CTNNBIP1: variants seen among roughly 807,000 people sequenced by gnomAD.
The protein encoded by CTNNBIP1 is catenin beta interacting protein 1.
Under a neutral mutation model 11.8 loss-of-function variants are expected in CTNNBIP1, and 7 were observed. The ratio of observed to expected loss-of-function variants is 0.60; its 90% CI spans 0.34 to 1.12. The LOEUF is 1.12. CTNNBIP1 is among the 50% of genes most tolerant of loss of function. CTNNBIP1 has a pLI of 0.03. For synonymous variants in CTNNBIP1, 58 were observed against 43.9 expected, an observed-to-expected ratio of 1.32 and a Z score of -1.26; for missense variants, 101 against 113.4, an observed-to-expected ratio of 0.89 and a Z score of 0.50.
In CTNNBIP1 at chr1:9,883,106, C is replaced by T. The variant is rs1444160248; in HGVS notation, c.-110+599G>A. On this transcript the variant is annotated intron_variant, in intron 2 of 5. Coordinates refer to ENST00000377263, the MANE Select transcript of CTNNBIP1 (RefSeq NM_020248.3). This position sits in a 1 kb window ranked among gnomAD's most constrained non-coding sequence, Gnocchi z 5.6. ...TCAGGAACAGCGGGTGCCTGGGTGG[C>T]AGCAGCGGGACGGCGCAGGAGGGTA... 6.6e-6 allele frequency among the ~76,000 whole-genome samples: 1 copy of T among 152,134 alleles called. No homozygotes were observed. The highest frequency in any genetic ancestry group is 1.5e-5 in the Non-Finnish European group (1 of 68,020).
intron 5 of CTNNBIP1, among the ~76,000 whole-genome samples, chr1:9,855,231 TC>T: frequency 6.6e-6 from 1 of 151,568 alleles, no homozygotes; most frequent in Non-Finnish European, 1.5e-5. Context: ...AAAATCCCTT[TC>T]TTGGGGAGTT....
intron 5 of CTNNBIP1, among the ~76,000 whole-genome samples, chr1:9,862,186 C>T (rs1186121992): frequency 6.6e-6 from 1 of 152,200 alleles, no homozygotes; most frequent in Non-Finnish European, 1.5e-5. Context: ...CAAGAAGGGA[C>T]AGAGAAGACC....
intron 1 of CTNNBIP1, among the ~76,000 whole-genome samples, chr1:9,898,377 A>T (rs1019099534): frequency 7.2e-5 from 11 of 151,980 alleles, no homozygotes; most frequent in Admixed American, 2.0e-4. Flanking sequence ...TACAAAAATT[A>T]TCTGGGTGTG....
At chr1:9,878,038 G>T (rs1340397686) in intron 2 of CTNNBIP1, 49 bp from the exon 3 acceptor site, 1 of 152,722 alleles carries the variant, frequency 6.5e-6, no homozygotes, top group East Asian at 1.9e-4. Context: ...GAGGGCCCAG[G>T]CAGCTGCCAG....
intron 5 of CTNNBIP1, among the ~76,000 whole-genome samples, chr1:9,856,351 C>T (rs1638502007): frequency 1.3e-5 from 2 of 150,972 alleles, no homozygotes; most frequent in South Asian, 4.2e-4. Flanking sequence ...GCACAAGCAA[C>T]AGAAAAAAAT....
At position 9,850,681 on chromosome 1, in the gene CTNNBIP1, C is replaced by T; in HGVS notation, c.*37G>A. ...CCAGGAGCCACACAGATCTCTTGGC[C>T]CTCAACAGCATCCAGGGTGTTCCAA... On this transcript the variant is annotated 3_prime_UTR_variant, in exon 6 of 6. Coordinates refer to ENST00000377263, the MANE Select transcript of CTNNBIP1 (RefSeq NM_020248.3). The T allele has an allele frequency of 6.2e-7, 1 of 1,603,908 alleles. No individual in the cohort carries two copies. The highest frequency in any genetic ancestry group is 1.3e-5 in the African/African-American group (1 of 74,828).
intron 5 of CTNNBIP1, among the ~76,000 whole-genome samples, chr1:9,862,617 A>G (rs1638654283): frequency 6.6e-6 from 1 of 152,182 alleles, no homozygotes; most frequent in Non-Finnish European, 1.5e-5. Context: ...CCAAGCTGTC[A>G]TGCCTTCTTG....
intron 3 of CTNNBIP1, among the ~76,000 whole-genome samples, chr1:9,873,245 C>T (rs1257751299): frequency 6.6e-6 from 1 of 152,164 alleles, no homozygotes; most frequent in African/African-American, 2.4e-5. Flanking sequence ...GGTCTCTTTC[C>T]AGCAACTTCT....
chr1:9,894,901 G>A (rs527380244), intron 1 of CTNNBIP1, among the ~76,000 whole-genome samples: 1 of 129,950 alleles, frequency 7.7e-6, no homozygotes, highest in Non-Finnish European at 1.6e-5. Flanking sequence ...TGCCATGCCT[G>A]GCTATTTTTT....
At chr1:9,897,133 G>A (rs1639424350) in intron 1 of CTNNBIP1, among the ~76,000 whole-genome samples, 1 of 151,450 alleles carries the variant, frequency 6.6e-6, no homozygotes, top group Non-Finnish European at 1.5e-5. Flanking sequence ...GAGACAAAGC[G>A]AGACTCTGTC....
chr1:9,863,450 C>A (rs1399536209), intron 5 of CTNNBIP1, among the ~76,000 whole-genome samples: 2 of 152,168 alleles, frequency 1.3e-5, no homozygotes, highest in African/African-American at 4.8e-5. Flanking sequence ...AAGCCACATG[C>A]GGGGAGAGAG....
At chr1:9,894,160 T>C (rs1639363225) in intron 1 of CTNNBIP1, among the ~76,000 whole-genome samples, 1 of 152,188 alleles carries the variant, frequency 6.6e-6, no homozygotes, top group African/African-American at 2.4e-5. Flanking sequence ...GTCCCACTGT[T>C]CACATTTTGC....
At chr1:9,876,845 T>TAC (rs34192085) in intron 3 of CTNNBIP1, among the ~76,000 whole-genome samples, 6,471 of 138,044 alleles carry the variant, frequency 0.047, 148 homozygotes, top group South Asian at 0.065. Flanking sequence ...CTGCTATACA[T>TAC]ACACACACAC....
In CTNNBIP1 at chr1:9,871,398, G is replaced by A. The variant is rs12062840; in HGVS notation, c.97-121C>T. ...CTGCTTGGTCCCTGCTCGGGCTTCTGTTTCTGAGATTTGACCCCTTTGCTT... is the reference window on the plus strand; with the variant it reads ...CTGCTTGGTCCCTGCTCGGGCTTCTATTTCTGAGATTTGACCCCTTTGCTT... On this transcript the variant is annotated intron_variant, in intron 4 of 5. Coordinates refer to ENST00000377263, the MANE Select transcript of CTNNBIP1 (RefSeq NM_020248.3). The surrounding 1 kb of genome is among the most constrained non-coding windows in gnomAD (Gnocchi z 5.2). The A allele has an allele frequency of 1.0e-3, 762 of 751,958 alleles. 6 individuals carry two copies. The African/African-American group carries it at 0.012, about 11-fold the overall frequency. 46.6% of individuals were successfully genotyped at this position (751,958 alleles called of 1,614,324 possible).
chr1:9,880,933 C>G (rs1639068755), intron 2 of CTNNBIP1, among the ~76,000 whole-genome samples: 1 of 152,232 alleles, frequency 6.6e-6, no homozygotes, highest in Non-Finnish European at 1.5e-5. Context: ...GGAGGTGAGA[C>G]TAGGGCTGGC....
Position 9,872,156 on chromosome 1 carries a change from G to A in CTNNBIP1, c.-24-68C>T. ...GTGACATACTGGGACAATGACACCT[G>A]CTAGTGACCCTCACTCCTCCCAGGA... is the stretch of plus-strand genomic sequence containing the variant. On this transcript the variant is annotated intron_variant, in intron 3 of 5. Coordinates refer to ENST00000377263, the MANE Select transcript of CTNNBIP1 (RefSeq NM_020248.3). This position sits in a 1 kb window ranked among gnomAD's most constrained non-coding sequence, Gnocchi z 4.0. 1 of 945,320 alleles carries A rather than the reference G, an allele frequency of 1.1e-6. No homozygotes were observed. Among genetic ancestry groups the A allele is most frequent in the Non-Finnish European group, 1.7e-6 (1 of 592,140 alleles). The allele number at this position is 945,320 out of a possible 1,614,324, so 58.6% of individuals were successfully genotyped here. A position where few individuals can be genotyped will look rare whatever the true frequency, so the allele number is the denominator to read the frequency against.
Position 9,871,059 on chromosome 1 carries a change from C to T in CTNNBIP1, c.187+128G>A. On this transcript the variant is annotated intron_variant, in intron 5 of 5. Coordinates refer to ENST00000377263, the MANE Select transcript of CTNNBIP1 (RefSeq NM_020248.3). This position sits in a 1 kb window ranked among gnomAD's most constrained non-coding sequence, Gnocchi z 5.2. ...CTGTGGGTGGAGAGAGCTGTAGCCC[C>T]TCCTAGTCAGCCCTGGGTCTCATGG... The T allele has an allele frequency of 1.5e-6, 1 of 681,846 alleles. No individual in the cohort carries two copies. Among genetic ancestry groups the T allele is most frequent in the South Asian group, 1.9e-5 (1 of 51,418 alleles). The allele number at this position is 681,846 out of a possible 1,614,324, so 42.2% of individuals were successfully genotyped here. A position where few individuals can be genotyped will look rare whatever the true frequency, so the allele number is the denominator to read the frequency against.
In CTNNBIP1 at chr1:9,898,141, A is replaced by T. The variant is rs377597101; in HGVS notation, c.-144+11954T>A. Among the ~76,000 whole-genome samples, 101 of 151,810 alleles carry T rather than the reference A, an allele frequency of 6.7e-4. 2 individuals are homozygous for T. The South Asian group carries it at 0.011, about 17-fold the overall frequency. On this transcript the variant is annotated intron_variant, in intron 1 of 5. Transcript: ENST00000377263. ...GCAAAAAAAAAAAATAAATAAAATT[A>T]AAAAATTTAAAAAGAAACCTAGAAG...
intron 1 of CTNNBIP1, among the ~76,000 whole-genome samples, chr1:9,901,805 G>A (rs931166145): frequency 3.9e-5 from 6 of 152,158 alleles, no homozygotes; most frequent in East Asian, 1.9e-4. Flanking sequence ...CTGCTGCCCC[G>A]CCCCTCAGCT....
Sources: allele counts gnomAD v4.1 joint callset (sites outside exome capture counted in the v4.1 genomes callset), GRCh38; gene constraint gnomAD v4.1.1; non-coding constraint Gnocchi (gnomAD v3.1); transcripts MANE v1.5; gene names NCBI Gene and HGNC (gene_info 2026-07-23, HGNC 2026-07-21).